ADCY5: variants seen among roughly 807,000 people sequenced by gnomAD.
ADCY5 encodes the protein adenylate cyclase 5.
ADCY5 carries 30 observed loss-of-function variants against 119.7 expected under a neutral mutation model. The observed-to-expected ratio is 0.25, with a 90% CI of 0.19 to 0.34. The LOEUF (loss-of-function observed/expected upper bound fraction) is 0.34, where lower values mean the gene tolerates loss of function less well. Ranked by LOEUF, ADCY5 falls within the 10% of genes least tolerant of loss-of-function variation. The pLI is 1.00. For missense variants in ADCY5, 1,324 were observed against 1,775.2 expected (o/e 0.75, Z 4.57); for synonymous variants, 753 against 762.2 (o/e 0.99, Z 0.20).
chr3:123,410,315 C>T (rs2107622513), intron 1 of ADCY5, among the ~76,000 whole-genome samples: 1 of 152,074 alleles, frequency 6.6e-6, no homozygotes. Flanking sequence ...AGTTCCATCC[C>T]CCTCCTCCTC....
At position 123,361,754 on chromosome 3, in the gene ADCY5, G is replaced by A. The variant is rs182286383; in HGVS notation, c.1135-9173C>T. Among the ~76,000 whole-genome samples the A allele has an allele frequency of 3.4e-3, 521 of 152,240 alleles. 1 individual carries two copies. The highest frequency in any genetic ancestry group is 0.012 in the African/African-American group (486 of 41,538). On this transcript the variant is annotated intron_variant, in intron 1 of 20. Coordinates refer to ENST00000462833, the MANE Select transcript of ADCY5 (RefSeq NM_183357.3). ...TGCATATACATAATGAGGTATCTTG[G>A]AGATGGTACACAAGTCTAAACATGA...
intron 1 of ADCY5, among the ~76,000 whole-genome samples, chr3:123,431,358 C>G (rs1945518379): frequency 6.6e-6 from 1 of 152,078 alleles, no homozygotes; most frequent in Non-Finnish European, 1.5e-5. Flanking sequence ...TCACTTCAGC[C>G]CAGGAGTTCA....
chr3:123,410,788 C>T (rs367622884), intron 1 of ADCY5, among the ~76,000 whole-genome samples: 112 of 152,258 alleles, frequency 7.4e-4, no homozygotes, highest in Middle Eastern at 3.4e-3. Flanking sequence ...GCTAGGACTA[C>T]AGGCATGTAT....
At chr3:123,417,143 G>A (rs1171232039) in intron 1 of ADCY5, among the ~76,000 whole-genome samples, 1 of 152,022 alleles carries the variant, frequency 6.6e-6, no homozygotes, top group Non-Finnish European at 1.5e-5. Context: ...AGCCAAAGGT[G>A]CATTGCAGTT....
At chr3:123,378,989 C>A (rs1183311716) in intron 1 of ADCY5, among the ~76,000 whole-genome samples, 1 of 152,096 alleles carries the variant, frequency 6.6e-6, no homozygotes, top group Non-Finnish European at 1.5e-5. Context: ...GGTGCCTGGC[C>A]CTGTGGAAAA....
chr3:123,424,227 C>A lies in ADCY5; in HGVS notation c.1134+23185G>T, dbSNP rs556493563. Among the ~76,000 whole-genome samples the A allele has an allele frequency of 3.9e-5, 6 of 152,322 alleles. No individual in the cohort carries two copies. In the South Asian group the frequency reaches 1.2e-3, roughly 32 times the overall value. The stretch of plus-strand genomic sequence containing the variant: ...GGTGGGCAGGGCTGGGCACACGCTG[C>A]CCCTCCGCTCAGGCCTGTGCCTTCT... On this transcript the variant is annotated intron_variant, in intron 1 of 20. Transcript: ENST00000462833.
Position 123,352,559 on chromosome 3 carries a change from A to C in ADCY5, c.1157T>G (p.Phe386Cys), listed in dbSNP as rs1942878061. The change falls in exon 2 of 21, where the codon TTC (phenylalanine) becomes TGC (cysteine). Residue 386 changes from phenylalanine (F) to cysteine (C), a missense_variant. Transcript: ENST00000462833. The surrounding 1 kb of genome is among the most constrained non-coding windows in gnomAD (Gnocchi z 4.8). The stretch of plus-strand genomic sequence containing the variant: ...GACACCCACGATGTTGGTGCAGGAG[A>C]AAATGAGAACATTGGAGACAAGCTG... The part of the protein sequence containing the change: ...LKQLVSNVLI[F>C]SCTNIVGVCT... 2.5e-6 allele frequency: 4 copies of C among 1,612,250 alleles called. No homozygotes were observed. Among genetic ancestry groups the C allele is most frequent in the Non-Finnish European group, 3.4e-6 (4 of 1,178,840 alleles).
At chr3:123,292,722 G>C (rs1939233394) in intron 17 of ADCY5, among the ~76,000 whole-genome samples, 1 of 152,176 alleles carries the variant, frequency 6.6e-6, no homozygotes, top group Admixed American at 6.5e-5. Context: ...CTGGGGGTGG[G>C]GGGTAGGGGG....
chr3:123,324,105 G>A (rs1941355171), intron 8 of ADCY5, among the ~76,000 whole-genome samples: 1 of 152,144 alleles, frequency 6.6e-6, no homozygotes, highest in Non-Finnish European at 1.5e-5. Flanking sequence ...AGGGCCAAGA[G>A]GTGTCTCTAC....
At chr3:123,324,392 G>T (rs1941366795) in intron 8 of ADCY5, among the ~76,000 whole-genome samples, 1 of 140,258 alleles carries the variant, frequency 7.1e-6, no homozygotes, top group Non-Finnish European at 1.5e-5. Context: ...TCACTAAGTG[G>T]CCACACAGAA....
chr3:123,446,878 C>T (rs1945825813), intron 1 of ADCY5, among the ~76,000 whole-genome samples: 1 of 152,196 alleles, frequency 6.6e-6, no homozygotes, highest in South Asian at 2.1e-4. Flanking sequence ...TCTGCAAGTT[C>T]AGGGATATCT....
At chr3:123,321,654 A>C (rs1941225223) in intron 8 of ADCY5, among the ~76,000 whole-genome samples, 2 of 152,078 alleles carry the variant, frequency 1.3e-5, no homozygotes, top group Non-Finnish European at 2.9e-5. Flanking sequence ...AGTGTGGAGC[A>C]CTCTGCTGGG....
chr3:123,425,015 A>G (rs928921621), intron 1 of ADCY5, among the ~76,000 whole-genome samples: 7 of 152,186 alleles, frequency 4.6e-5, no homozygotes, highest in Non-Finnish European at 8.8e-5. Context: ...CTTCTGGCGC[A>G]CTGGCACACC....
chr3:123,385,854 A>C (rs1390031402), intron 1 of ADCY5, among the ~76,000 whole-genome samples: 1 of 152,174 alleles, frequency 6.6e-6, no homozygotes, highest in Non-Finnish European at 1.5e-5. Flanking sequence ...TACAAAAAAG[A>C]CTTCTTTCGT....
chr3:123,361,697 A>G (rs1943254877), intron 1 of ADCY5, among the ~76,000 whole-genome samples: 1 of 152,180 alleles, frequency 6.6e-6, no homozygotes, highest in African/African-American at 2.4e-5. Flanking sequence ...GAAGTGTTTC[A>G]TATTTTGGAT....
intron 1 of ADCY5, among the ~76,000 whole-genome samples, chr3:123,396,071 A>G (rs1944550726): frequency 4.5e-5 from 2 of 44,260 alleles, no homozygotes; most frequent in Non-Finnish European, 9.3e-5. Flanking sequence ...GGTGGGAGGG[A>G]GAGGGAGGGA....
intron 3 of ADCY5, among the ~76,000 whole-genome samples, chr3:123,338,994 T>C (rs1942155751): frequency 6.6e-6 from 1 of 152,170 alleles, no homozygotes; most frequent in Non-Finnish European, 1.5e-5. Context: ...TCCTCTGATC[T>C]CCTGCAGCCC....
chr3:123,403,651 C>T (rs1331380436), intron 1 of ADCY5, among the ~76,000 whole-genome samples: 2 of 152,206 alleles, frequency 1.3e-5, no homozygotes, highest in African/African-American at 4.8e-5. Context: ...TCCCCCTCAA[C>T]ACCACTGCCG....
intron 1 of ADCY5, among the ~76,000 whole-genome samples, chr3:123,371,576 G>A (rs1386836891): frequency 4.6e-5 from 7 of 152,248 alleles, no homozygotes; most frequent in East Asian, 1.9e-4. Context: ...GACCCAAGCC[G>A]GGTTCTGGTC....
Sources: gnomAD v4.1 joint callset for allele counts (sites outside exome capture counted in the v4.1 genomes callset) on GRCh38, gnomAD v4.1.1 for gene constraint, Gnocchi (gnomAD v3.1) non-coding constraint, MANE v1.5 for transcripts, NCBI Gene and HGNC (gene_info 2026-07-23, HGNC 2026-07-21) for gene names.